Variants in IQGAP1 observed in about 807,000 individuals in gnomAD.
IQGAP1 encodes the protein IQ motif containing GTPase activating protein 1, also known as ras GTPase-activating-like protein IQGAP1.
IQGAP1 carries 66 observed loss-of-function variants against 215.6 expected under a neutral mutation model. The observed-to-expected ratio is 0.31, with a 90% CI of 0.25 to 0.38. IQGAP1 has a LOEUF of 0.38. Among genes scored for constraint, IQGAP1 ranks in the 10% least tolerant of loss-of-function variants. The pLI is 1.00. For missense variants in IQGAP1, 1,712 were observed against 1,997.1 expected, an observed-to-expected ratio of 0.86 and a Z score of 2.72; for synonymous variants, 772 against 728.7, an observed-to-expected ratio of 1.06 and a Z score of -0.96.
chr15:90,456,443 C>CT (rs1965681545), intron 15 of IQGAP1, 128 bp downstream of exon 15: 5 of 814,950 alleles, frequency 6.1e-6, no homozygotes, highest in Non-Finnish European at 5.6e-6. Context: ...ATTCAAAGCA[C>CT]TGGAGGGACA....
At chr15:90,439,305 T>C (rs752489365) in intron 5 of IQGAP1, 27 bp from the exon 6 acceptor site, 28 of 1,604,074 alleles carry the variant, frequency 1.7e-5, no homozygotes, top group Non-Finnish European at 2.2e-5. Context: ...CTGGGAGGCC[T>C]AACCTTTTGC....
chr15:90,478,822 A>C (rs903174642), intron 26 of IQGAP1, among the ~76,000 whole-genome samples: 1 of 152,124 alleles, frequency 6.6e-6, no homozygotes, highest in Non-Finnish European at 1.5e-5. Context: ...GAAAAAGAAA[A>C]CGGTGTGGAG....
chr15:90,471,168 A>G lies in IQGAP1; in HGVS notation c.2179-1672A>G, dbSNP rs377591337. Among the ~76,000 whole-genome samples the G allele has an allele frequency of 3.3e-4, 50 of 152,250 alleles. 1 individual carries two copies. In the South Asian group the frequency reaches 0.01, roughly 31 times the overall value. The stretch of plus-strand genomic sequence containing the variant: ...AAAAAACCAGAGGCTGCAATAGTGT[A>G]TAAGGTTGTATTTTTATCTCACATG... On this transcript the variant is annotated intron_variant, in intron 18 of 37. Coordinates refer to ENST00000268182, the MANE Select transcript of IQGAP1 (RefSeq NM_003870.4).
intron 18 of IQGAP1, among the ~76,000 whole-genome samples, 195 bp downstream of exon 18, chr15:90,467,787 A>G (rs937771624): frequency 6.6e-6 from 1 of 152,224 alleles, no homozygotes; most frequent in African/African-American, 2.4e-5. Flanking sequence ...CATCTGAATT[A>G]TAGAATTAAG....
chr15:90,398,855 C>T (rs1352706718), intron 2 of IQGAP1, among the ~76,000 whole-genome samples: 1 of 151,776 alleles, frequency 6.6e-6, no homozygotes, highest in East Asian at 1.9e-4. Flanking sequence ...ATACAAAAAA[C>T]ATTAGTTGGG....
chr15:90,420,822 A>G (rs544031992), intron 2 of IQGAP1, among the ~76,000 whole-genome samples: 2 of 152,206 alleles, frequency 1.3e-5, no homozygotes, highest in Non-Finnish European at 2.9e-5. Flanking sequence ...TCTCAGACTC[A>G]GGCAACCCTC....
At chr15:90,468,440 A>C (rs1965861366) in intron 18 of IQGAP1, among the ~76,000 whole-genome samples, 1 of 152,244 alleles carries the variant, frequency 6.6e-6, no homozygotes, top group African/African-American at 2.4e-5. Flanking sequence ...GTCATGAACC[A>C]AACAAAGTCT....
chr15:90,407,047 T>C (rs1964889298), intron 2 of IQGAP1, among the ~76,000 whole-genome samples: 1 of 152,180 alleles, frequency 6.6e-6, no homozygotes, highest in Admixed American at 6.5e-5. Context: ...TCTCGTAGTC[T>C]AGAGCAAGGA....
At chr15:90,462,887 A>C (rs1965782660) in intron 15 of IQGAP1, among the ~76,000 whole-genome samples, 1 of 152,180 alleles carries the variant, frequency 6.6e-6, no homozygotes, top group Non-Finnish European at 1.5e-5. Context: ...TTTTACAGCA[A>C]ATCTGTTTTC....
intron 2 of IQGAP1, among the ~76,000 whole-genome samples, chr15:90,410,380 T>C (rs1396911509): frequency 2.0e-5 from 3 of 152,190 alleles, no homozygotes; most frequent in Non-Finnish European, 4.4e-5. Context: ...TAAAGACACA[T>C]GCGCACGTAT....
chr15:90,487,645 T>C lies in IQGAP1; in HGVS notation c.4248+63T>C. On this transcript the variant is annotated intron_variant, in intron 33 of 37. Coordinates refer to ENST00000268182, the MANE Select transcript of IQGAP1 (RefSeq NM_003870.4). ...GATAAGCTCTCCCGATAGGCGCATG[T>C]CAGAGAAAGGAGGGGAGACACAAAT... 3.6e-6 allele frequency: 4 copies of C among 1,120,104 alleles called. No individual in the cohort carries two copies. The Admixed American group carries it at 7.5e-5, about 21-fold the overall frequency. The allele number at this position is 1,120,104 out of a possible 1,614,324, so 69.4% of individuals were successfully genotyped here.
chr15:90,425,142 T>A (rs1345513224), intron 2 of IQGAP1, among the ~76,000 whole-genome samples: 1 of 152,012 alleles, frequency 6.6e-6, no homozygotes, highest in Non-Finnish European at 1.5e-5. Flanking sequence ...AAGCCCCGTC[T>A]CTACTAAAAA....
At chr15:90,458,011 A>G (rs1371068793) in intron 15 of IQGAP1, among the ~76,000 whole-genome samples, 1 of 152,044 alleles carries the variant, frequency 6.6e-6, no homozygotes, top group Non-Finnish European at 1.5e-5. Flanking sequence ...CCCAAGAGAA[A>G]CTCAGTACCC....
At chr15:90,422,622 A>ATG (rs199549403) in intron 2 of IQGAP1, among the ~76,000 whole-genome samples, 20 of 47,006 alleles carry the variant, frequency 4.3e-4, no homozygotes, top group South Asian at 1.4e-3. Flanking sequence ...ATATATATAT[A>ATG]TATGTATATA....
At position 90,500,234 on chromosome 15, in the gene IQGAP1, C is replaced by T. The variant is rs1430596205; in HGVS notation, c.*126C>T. 3.3e-6 allele frequency: 2 copies of T among 605,246 alleles called. No individual in the cohort carries two copies. Among genetic ancestry groups the T allele is most frequent in the South Asian group, 2.0e-5 (1 of 50,574 alleles). 37.5% of individuals were successfully genotyped at this position (605,246 alleles called of 1,614,324 possible). A position where few individuals can be genotyped will look rare whatever the true frequency, so the allele number is the denominator to read the frequency against. Reference sequence around the variant, plus strand: ...AACAGCACCTCAATCTGATACACTCCCGATGCCACATTTTTAACTCCTCTC... The same window carrying T: ...AACAGCACCTCAATCTGATACACTCTCGATGCCACATTTTTAACTCCTCTC... On this transcript the variant is annotated 3_prime_UTR_variant, in exon 38 of 38. Transcript: ENST00000268182.
chr15:90,388,380 C>T lies in IQGAP1; in HGVS notation c.39C>T (p.Ala13=), dbSNP rs1159238305. ...ACGAGGTTGACGGGCTGGGCGTGGCCCGGCCGCACTATGGCTGTGAGTGCG... is the reference window on the plus strand; with the variant it reads ...ACGAGGTTGACGGGCTGGGCGTGGCTCGGCCGCACTATGGCTGTGAGTGCG... ...AADEVDGLGV[A]RPHYGSVLDN... The change falls in exon 1 of 38, where the codon GCC becomes GCT. Residue 13 remains alanine, a synonymous_variant. Coordinates refer to ENST00000268182, the MANE Select transcript of IQGAP1 (RefSeq NM_003870.4). The T allele has an allele frequency of 1.9e-6, 3 of 1,590,938 alleles. No individual in the cohort carries two copies.
chr15:90,426,115 T>C lies in IQGAP1; in HGVS notation c.161T>C (p.Met54Thr). 6.2e-7 allele frequency: 1 copy of C among 1,605,342 alleles called. No homozygotes were observed. The highest frequency in any genetic ancestry group is 8.5e-7 in the Non-Finnish European group (1 of 1,176,540). Residue 54 changes from methionine to threonine, a missense_variant, in exon 3 of 38, where the codon ATG (methionine) becomes ACG (threonine). Physicochemically the swap from Met to Thr is moderately conservative, Grantham distance 81. Around this residue, in one of 2 missense-constraint regions of IQGAP1, gnomAD observed 1,021 missense variants for 1,074.2 expected, o/e 0.95. Coordinates refer to ENST00000268182, the MANE Select transcript of IQGAP1 (RefSeq NM_003870.4). ...TCCTCTCTCCTTTGGTGCAGGTGGA[T>C]GGAAGCATGCCTAGGGGAAGATCTG... Reference protein sequence around the residue: ...LCHLEEAKRWMEACLGEDLPP... With the variant: ...LCHLEEAKRWTEACLGEDLPP...
Position 90,481,388 on chromosome 15 carries a change from T to C in IQGAP1, c.3330-572T>C, listed in dbSNP as rs368501032. 2.7e-5 allele frequency among the ~76,000 whole-genome samples: 4 copies of C among 149,856 alleles called. No individual in the cohort carries two copies. The East Asian group carries it at 8.0e-4, about 30-fold the overall frequency. ...GCTGCTGTGCCTGGCATAGCACTCC[T>C]ATCCTTGAAGACCTCCTTCTGGTTT... On this transcript the variant is annotated intron_variant, in intron 26 of 37. Transcript: ENST00000268182.
intron 2 of IQGAP1, among the ~76,000 whole-genome samples, chr15:90,402,990 G>T (rs1455558823): frequency 6.6e-6 from 1 of 151,988 alleles, no homozygotes; most frequent in Non-Finnish European, 1.5e-5. Context: ...GTTTTTTTGG[G>T]CTGGGCCCTG....
Sources: allele counts gnomAD v4.1 joint callset (sites outside exome capture counted in the v4.1 genomes callset), GRCh38; gene constraint gnomAD v4.1.1; regional missense constraint gnomAD v4.1.1; transcripts MANE v1.5; gene names NCBI Gene and HGNC (gene_info 2026-07-23, HGNC 2026-07-21).